The following PPP1R1C variants were observed in gnomAD, a reference collection of about 807,000 sequenced individuals.
The protein encoded by PPP1R1C is protein phosphatase 1 regulatory inhibitor subunit 1C, also known as protein phosphatase 1 regulatory subunit 1C.
PPP1R1C carries 15 observed loss-of-function variants against 17.4 expected under a neutral mutation model. The observed-to-expected ratio is 0.86, with a 90% CI of 0.58 to 1.33. The LOEUF (loss-of-function observed/expected upper bound fraction) is 1.33, where lower values mean the gene tolerates loss of function less well. Among genes scored for constraint, PPP1R1C ranks in the 40% most tolerant of loss-of-function variants. The pLI is 0.00. For missense variants in PPP1R1C, 143 were observed against 130.0 expected, an observed-to-expected ratio of 1.10 and a Z score of -0.48; for synonymous variants, 35 against 43.1, an observed-to-expected ratio of 0.81 and a Z score of 0.73.
At chr2:182,038,772 G>A (rs1687092699) in intron 2 of PPP1R1C, among the ~76,000 whole-genome samples, 1 of 152,184 alleles carries the variant, frequency 6.6e-6, no homozygotes, top group Admixed American at 6.5e-5. Flanking sequence ...AGAGAGCTAT[G>A]ACACACCCTC....
At chr2:182,057,140 G>A (rs534813053) in intron 2 of PPP1R1C, among the ~76,000 whole-genome samples, 82 of 152,304 alleles carry the variant, frequency 5.4e-4, no homozygotes, top group African/African-American at 1.9e-3. Flanking sequence ...AAATTTATTT[G>A]ACAGGTTGTT....
chr2:182,123,374 G>A (rs1471334629), intron 5 of PPP1R1C, among the ~76,000 whole-genome samples: 1 of 152,168 alleles, frequency 6.6e-6, no homozygotes, highest in Non-Finnish European at 1.5e-5. Flanking sequence ...ACCCAGAAAT[G>A]GAATTGCTGG....
intron 2 of PPP1R1C, among the ~76,000 whole-genome samples, chr2:182,019,678 C>T (rs1686358738): frequency 6.6e-6 from 1 of 151,986 alleles, no homozygotes; most frequent in African/African-American, 2.4e-5. Context: ...AGCCTGATAC[C>T]ATATAACAAA....
chr2:182,110,221 C>G (rs903913861), intron 4 of PPP1R1C, among the ~76,000 whole-genome samples: 1 of 151,976 alleles, frequency 6.6e-6, no homozygotes, highest in Non-Finnish European at 1.5e-5. Context: ...AAATATCACT[C>G]TGTACTCCGT....
At chr2:181,981,204 A>AG (rs1447682974), upstream of PPP1R1C, among the ~76,000 whole-genome samples, 1 of 152,146 alleles carries the variant, frequency 6.6e-6, no homozygotes, top group African/African-American at 2.4e-5. Flanking sequence ...CTGGGATTAC[A>AG]GGCGTGAGCC....
At chr2:182,089,633 A>C (rs1379747675) in intron 4 of PPP1R1C, among the ~76,000 whole-genome samples, 1 of 152,104 alleles carries the variant, frequency 6.6e-6, no homozygotes, top group East Asian at 1.9e-4. Context: ...CTAAAGTCTC[A>C]TTTTCATTAC....
At chr2:182,076,688 C>A (rs2125209453) in intron 4 of PPP1R1C, among the ~76,000 whole-genome samples, 1 of 152,128 alleles carries the variant, frequency 6.6e-6, no homozygotes, top group South Asian at 2.1e-4. Context: ...AGTACTTTTA[C>A]AATAATTTTC....
At chr2:182,080,788 G>T (rs886677478) in intron 4 of PPP1R1C, among the ~76,000 whole-genome samples, 1 of 152,022 alleles carries the variant, frequency 6.6e-6, no homozygotes, top group East Asian at 1.9e-4. Flanking sequence ...ATTTTAATAT[G>T]CATTGATTAT....
At chr2:182,113,126 A>G (rs1689488533) in intron 4 of PPP1R1C, among the ~76,000 whole-genome samples, 1 of 152,234 alleles carries the variant, frequency 6.6e-6, no homozygotes, top group African/African-American at 2.4e-5. Flanking sequence ...AGATGAAACT[A>G]TAGCTTTGAC....
At chr2:182,106,000 G>A (rs1689236486) in intron 4 of PPP1R1C, among the ~76,000 whole-genome samples, 1 of 152,150 alleles carries the variant, frequency 6.6e-6, no homozygotes, top group African/African-American at 2.4e-5. Flanking sequence ...GAAAATCTGT[G>A]TCATGCCTCT....
At chr2:182,031,202 C>A (rs550751175) in intron 2 of PPP1R1C, among the ~76,000 whole-genome samples, 2 of 152,174 alleles carry the variant, frequency 1.3e-5, no homozygotes, top group Admixed American at 6.5e-5. Flanking sequence ...AGCTGTAGAC[C>A]GGAGCTGTTC....
rs1281793522 is a variant in PPP1R1C, at chr2:182,117,208, G to T, written c.243G>T (p.Gly81=). 1.9e-6 allele frequency: 3 copies of T among 1,540,680 alleles called. No homozygotes were observed. Among genetic ancestry groups the T allele is most frequent in the Non-Finnish European group, 2.6e-6 (3 of 1,138,120 alleles). ...QSVYTPPTIK[G]VKHLKGQNES... is the part of the protein sequence containing the mutation. Reference sequence around the variant, plus strand: ...TTTGCATAATTTTTATAATTTCAGGGGTTAAGCATCTGAAAGGCCAGAATG... The same window carrying T: ...TTTGCATAATTTTTATAATTTCAGGTGTTAAGCATCTGAAAGGCCAGAATG... The change falls in exon 5 of 5, where the codon GGG becomes GGT. Residue 81 remains glycine (G), a splice_region_variant and synonymous_variant. Coordinates refer to ENST00000682840, the MANE Select transcript of PPP1R1C (RefSeq NM_001080545.3).
At chr2:182,078,488 C>G (rs537700482) in intron 4 of PPP1R1C, among the ~76,000 whole-genome samples, 17 of 152,236 alleles carry the variant, frequency 1.1e-4, no homozygotes, top group Non-Finnish European at 2.2e-4. Flanking sequence ...CCTTAAGGTA[C>G]CTTTACTCCA....
intron 2 of PPP1R1C, among the ~76,000 whole-genome samples, chr2:182,029,226 T>G (rs1340080503): frequency 1.3e-5 from 2 of 150,410 alleles, no homozygotes; most frequent in Non-Finnish European, 2.9e-5. Context: ...AAAGTTAATA[T>G]TGTCATGTGT....
chr2:182,098,686 G>A (rs1689014920), intron 4 of PPP1R1C, among the ~76,000 whole-genome samples: 1 of 152,152 alleles, frequency 6.6e-6, no homozygotes, highest in South Asian at 2.1e-4. Flanking sequence ...ATTAATGCAA[G>A]AAGTAGTTCA....
downstream of PPP1R1C, among the ~76,000 whole-genome samples, chr2:182,121,304 T>G (rs567254549): frequency 2.6e-4 from 40 of 152,200 alleles, no homozygotes; most frequent in African/African-American, 9.6e-4. Flanking sequence ...TTGTGAGGCT[T>G]AAATGAGATA....
In PPP1R1C at chr2:181,962,863, C is replaced by G. The variant is rs1251145688; in HGVS notation, n.111+8229C>G. ...TGAAGACAGGGGAAGGAAGGAGAAT[C>G]ACTGATTCCCTTTGTCTGCAGGACA... On this transcript the variant is annotated intron_variant and non_coding_transcript_variant, in intron 1 of 5. Transcript: ENST00000464264. This position sits in a 1 kb window ranked among gnomAD's most constrained non-coding sequence, Gnocchi z 6.0. Among the ~76,000 whole-genome samples, 3 of 152,104 alleles carry G rather than the reference C, an allele frequency of 2.0e-5. No homozygotes were observed. Among genetic ancestry groups the G allele is most frequent in the Non-Finnish European group, 4.4e-5 (3 of 68,014 alleles).
intron 4 of PPP1R1C, among the ~76,000 whole-genome samples, chr2:182,066,471 C>T (rs1449358408): frequency 6.6e-6 from 1 of 152,020 alleles, no homozygotes; most frequent in Non-Finnish European, 1.5e-5. Flanking sequence ...CCTGCAGCAG[C>T]CCATATATCC....
At chr2:181,996,845 T>G (rs1685625538) in intron 2 of PPP1R1C, among the ~76,000 whole-genome samples, 1 of 152,236 alleles carries the variant, frequency 6.6e-6, no homozygotes, top group African/African-American at 2.4e-5. Flanking sequence ...GAAGTTATTT[T>G]GGAATCCAAT....
Sources: allele counts gnomAD v4.1 joint callset (sites outside exome capture counted in the v4.1 genomes callset), GRCh38; gene constraint gnomAD v4.1.1; non-coding constraint Gnocchi (gnomAD v3.1); transcripts MANE v1.5; gene names NCBI Gene and HGNC (gene_info 2026-07-23, HGNC 2026-07-21).